The following UPRT variants were observed in gnomAD, a reference collection of about 807,000 sequenced individuals.
The protein encoded by UPRT is uracil phosphoribosyltransferase homolog.
A neutral mutation model predicts 22.6 loss-of-function variants in UPRT; 5 were observed. The observed-to-expected ratio is 0.22, with a 90% CI of 0.12 to 0.47. The LOEUF is 0.47. Ranked by LOEUF, UPRT falls within the 20% of genes least tolerant of loss-of-function variation. The pLI, the probability that UPRT is intolerant of heterozygous loss-of-function variation, is 0.99. For synonymous variants in UPRT, 77 were observed against 87.7 expected, an observed-to-expected ratio of 0.88 and a Z score of 0.68; for missense variants, 181 against 239.9, an observed-to-expected ratio of 0.75 and a Z score of 1.62.
intron 1 of UPRT, among the ~76,000 whole-genome samples, chrX:75,281,007 G>C (rs756267422): frequency 9.1e-6 from 1 of 110,365 alleles, no homozygotes; most frequent in East Asian, 2.9e-4. Context: ...AAATTCCTAA[G>C]GATTTTATTT....
At chrX:75,282,238 T>A (rs57769659) in intron 1 of UPRT, among the ~76,000 whole-genome samples, 1,976 of 108,886 alleles carry the variant, frequency 0.018, 46 homozygotes, top group African/African-American at 0.063. Flanking sequence ...ATCTTATATT[T>A]TTTTTTTTGC....
chrX:75,293,829 A>G (rs6647686), intron 2 of UPRT, among the ~76,000 whole-genome samples: 15,969 of 111,197 alleles, frequency 0.14, 1,751 homozygotes, highest in East Asian at 0.91. Context: ...GTACATTAAA[A>G]GAAAACCAAA....
Position 75,300,857 on chromosome X carries a change from T to C in UPRT, c.725-10T>C. Reference sequence around the variant, plus strand: ...GGTTGCTAATTCATTTGGTTATCTTTTGATTTCAGGCACTGGAAATACTGT... The same window carrying C: ...GGTTGCTAATTCATTTGGTTATCTTCTGATTTCAGGCACTGGAAATACTGT... On this transcript the variant is annotated splice_polypyrimidine_tract_variant and intron_variant, in intron 5 of 6. Transcript: ENST00000373383. 8.5e-7 allele frequency: 1 copy of C among 1,177,960 alleles called. No homozygotes were observed. Among genetic ancestry groups the C allele is most frequent in the Non-Finnish European group, 1.1e-6 (1 of 875,229 alleles).
chrX:75,261,523 T>C (rs1018051500), intron 4 of UPRT, among the ~76,000 whole-genome samples: 1 of 111,649 alleles, frequency 9.0e-6, no homozygotes, highest in Non-Finnish European at 1.9e-5. Context: ...GAAGCAATAA[T>C]TAATAGCCTG....
chrX:75,212,738 A>G (rs1416596546), intron 4 of UPRT, among the ~76,000 whole-genome samples: 3 of 111,456 alleles, frequency 2.7e-5, no homozygotes, highest in African/African-American at 9.8e-5. Context: ...GAGCTGAACA[A>G]TAAGAACACA....
At chrX:75,297,714 G>A (rs2082730834) in intron 4 of UPRT, 161 bp downstream of exon 4, 1 of 588,859 alleles carries the variant, frequency 1.7e-6, no homozygotes, top group African/African-American at 2.3e-5. Context: ...GTCATGGCCT[G>A]TGTGAGGCTA....
exon 4 of UPRT, among the ~76,000 whole-genome samples, chrX:75,167,872 A>G (rs2147602119): frequency 9.0e-6 from 1 of 111,300 alleles, no homozygotes; most frequent in African/African-American, 3.3e-5. Flanking sequence ...CCAAACAAGT[A>G]CAAATTGGTA....
intron 4 of UPRT, among the ~76,000 whole-genome samples, chrX:75,249,279 T>G (rs936334983): frequency 9.0e-6 from 1 of 110,786 alleles, no homozygotes; most frequent in Admixed American, 9.7e-5. Context: ...GGATAAAGAG[T>G]CAAGACCCAT....
intron 1 of UPRT, among the ~76,000 whole-genome samples, chrX:75,279,811 C>T (rs2082646281): frequency 9.1e-6 from 1 of 110,337 alleles, no homozygotes; most frequent in African/African-American, 3.3e-5. Flanking sequence ...ACCCTTTCCT[C>T]CCAAGTTGCT....
chrX:75,186,629 A>G (rs373735666), intron 4 of UPRT, among the ~76,000 whole-genome samples: 2 of 110,978 alleles, frequency 1.8e-5, no homozygotes, highest in African/African-American at 6.6e-5. Flanking sequence ...GGGTGTTAAA[A>G]TCTCCCATTA....
intron 1 of UPRT, among the ~76,000 whole-genome samples, chrX:75,287,522 A>T (rs1397889562): frequency 9.0e-6 from 1 of 111,605 alleles, no homozygotes; most frequent in Non-Finnish European, 1.9e-5. Context: ...TACAATTGCT[A>T]CAGCCCCAGG....
At chrX:75,223,438 G>T (rs1307892615) in intron 4 of UPRT, among the ~76,000 whole-genome samples, 1 of 110,965 alleles carries the variant, frequency 9.0e-6, no homozygotes, top group Admixed American at 9.6e-5. Context: ...GTTGCTTGTG[G>T]CCTTGACTAC....
intron 4 of UPRT, among the ~76,000 whole-genome samples, chrX:75,245,878 A>G (rs2082503770): frequency 9.0e-6 from 1 of 111,613 alleles, no homozygotes; most frequent in Non-Finnish European, 1.9e-5. Flanking sequence ...TAATCTGTAT[A>G]TCAACCCATG....
chrX:75,235,178 A>G (rs1016832094), intron 4 of UPRT, among the ~76,000 whole-genome samples: 2 of 105,783 alleles, frequency 1.9e-5, no homozygotes, highest in African/African-American at 8.0e-5. Context: ...ATAAACTAGA[A>G]AAATCTAGAA....
chrX:75,276,031 G>C (rs754709222), intron 1 of UPRT, among the ~76,000 whole-genome samples: 85 of 111,630 alleles, frequency 7.6e-4, no homozygotes, highest in Non-Finnish European at 1.2e-3. Context: ...TGGGATGAAG[G>C]CCCTTCTTCA....
At chrX:75,232,793 C>A (rs1307159128) in intron 4 of UPRT, among the ~76,000 whole-genome samples, 1 of 111,760 alleles carries the variant, frequency 8.9e-6, no homozygotes. Context: ...TGTACATCAC[C>A]ATCATCAAAG....
chrX:75,302,482 A>G (rs1439792738), intron 6 of UPRT, among the ~76,000 whole-genome samples: 1 of 111,039 alleles, frequency 9.0e-6, no homozygotes, highest in Non-Finnish European at 1.9e-5. Flanking sequence ...CATAATTTGT[A>G]TTGGTCATCT....
chrX:75,232,640 G>A (rs936146068), intron 4 of UPRT, among the ~76,000 whole-genome samples: 2 of 112,242 alleles, frequency 1.8e-5, no homozygotes, highest in African/African-American at 6.5e-5. Flanking sequence ...TGATCCCCAA[G>A]CAGCCTAACT....
At chrX:75,293,372 A>T in intron 1 of UPRT, 100 bp from the exon 2 acceptor site, 1 of 769,760 alleles carries the variant, frequency 1.3e-6, no homozygotes, top group Non-Finnish European at 1.8e-6. Context: ...TTAAGCTTTT[A>T]GTATGTTATA....
Sources: gnomAD v4.1 joint callset for allele counts (sites outside exome capture counted in the v4.1 genomes callset) on GRCh38, gnomAD v4.1.1 for gene constraint, MANE v1.5 for transcripts, NCBI Gene and HGNC (gene_info 2026-07-23, HGNC 2026-07-21) for gene names.